The following OR2T11 variants were observed in gnomAD, a reference collection of about 807,000 sequenced individuals.
OR2T11 encodes olfactory receptor 2T11.
OR2T11 carries 14 observed loss-of-function variants against 13.5 expected under a neutral mutation model. The ratio of observed to expected loss-of-function variants is 1.04; its 90% confidence interval spans 0.69 to 1.62. OR2T11 has a LOEUF of 1.62. Among genes scored for constraint, OR2T11 ranks in the 40% most tolerant of loss-of-function variants. The probability of loss-of-function intolerance (pLI) is 0.00; values close to 1 mark genes in which losing one functional copy is unlikely to be tolerated. For missense variants in OR2T11, 410 were observed against 389.7 expected (o/e 1.05, Z -0.44); for synonymous variants, 163 against 154.6 (o/e 1.05, Z -0.40).
At position 248,626,510 on chromosome 1, in the gene OR2T11, G is replaced by A. The variant is rs770131436; in HGVS notation, c.619C>T (p.Pro207Ser). Reference sequence around the variant, plus strand: ...TAGGAAGTGGAGATGATAGAGATGGGGATGAGCAACATGAGGACACAGCAG... The same window carrying A: ...TAGGAAGTGGAGATGATAGAGATGGAGATGAGCAACATGAGGACACAGCAG... ...YICCVLMLLI[P>S]ISIISTSYSL... The change falls in exon 2 of 2, where the codon CCC becomes TCC. Residue 207 changes from proline (P) to serine (S), a missense_variant. Coordinates refer to ENST00000641193, the MANE Select transcript of OR2T11 (RefSeq NM_001001964.2). 2 of 1,570,270 alleles carry A rather than the reference G, an allele frequency of 1.3e-6. No individual in the cohort carries two copies. Among genetic ancestry groups the A allele is most frequent in the Non-Finnish European group, 8.7e-7 (1 of 1,154,330 alleles).
In OR2T11 at chr1:248,626,584, A is replaced by G. The variant is rs1490433989; in HGVS notation, c.545T>C (p.Leu182Pro). ...NHFFCEIPAV[L>P]KLACADTSLY... Reference sequence around the variant, plus strand: ...GGACGTGTCTGCACAGGCCAGTTTCAGAACTGCTGGGATCTCACAGAAAAA... The same window carrying G: ...GGACGTGTCTGCACAGGCCAGTTTCGGAACTGCTGGGATCTCACAGAAAAA... Residue 182 changes from leucine to proline, a missense_variant, in exon 2 of 2, where the codon CTG (leucine) becomes CCG (proline). Coordinates refer to ENST00000641193, the MANE Select transcript of OR2T11 (RefSeq NM_001001964.2). 1 of 1,573,496 alleles carries G rather than the reference A, an allele frequency of 6.4e-7. No homozygotes were observed. The highest frequency in any genetic ancestry group is 1.1e-5 in the South Asian group (1 of 88,908).
In OR2T11 at chr1:248,624,759, C is replaced by G. The variant is rs1280253116; in HGVS notation, c.*1419G>C. On this transcript the variant is annotated 3_prime_UTR_variant, in exon 2 of 2. Transcript: ENST00000641193. ...TTATGTATTTATCTTGAGACAAGGC[C>G]TCTCTGCCAGTCAGGCTGGAGCACA... is the stretch of plus-strand genomic sequence containing the variant. The G allele has an allele frequency of 6.9e-6, 1 of 144,156 alleles. No homozygotes were observed. The highest frequency in any genetic ancestry group is 2.7e-5 in the African/African-American group (1 of 36,722). The allele number at this position is 144,156 out of a possible 1,614,324, so 8.9% of individuals were successfully genotyped here.
At chr1:248,627,722 G>C (rs1194034882) in intron 1 of OR2T11, among the ~76,000 whole-genome samples, 1 of 143,078 alleles carries the variant, frequency 7.0e-6, no homozygotes, top group African/African-American at 2.8e-5. Context: ...GCATAGTGGA[G>C]TCTTGTCTTT....
chr1:248,624,472 A>C lies in OR2T11; in HGVS notation c.*1706T>G, dbSNP rs1660485568. 1 of 143,170 alleles carries C rather than the reference A, an allele frequency of 7.0e-6. No homozygotes were observed. Among genetic ancestry groups the C allele is most frequent in the South Asian group, 2.2e-4 (1 of 4,572 alleles). 8.9% of individuals were successfully genotyped at this position (143,170 alleles called of 1,614,324 possible). ...CAAATCTCACTTATTTCAACCATAG[A>C]CTGCACTTGTTGCAGTTGCTTTTAC... On this transcript the variant is annotated 3_prime_UTR_variant, in exon 2 of 2. Coordinates refer to ENST00000641193, the MANE Select transcript of OR2T11 (RefSeq NM_001001964.2).
At position 248,624,400 on chromosome 1, in the gene OR2T11, G is replaced by C. The variant is rs1249694214; in HGVS notation, c.*1778C>G. 1 of 143,026 alleles carries C rather than the reference G, an allele frequency of 7.0e-6. No homozygotes were observed. The highest frequency in any genetic ancestry group is 1.5e-5 in the Non-Finnish European group (1 of 66,246). The allele number at this position is 143,026 out of a possible 1,614,324, so 8.9% of individuals were successfully genotyped here. ...CTCTAAGCATATCTCCATTAAAAAT[G>C]GTCACTAAGGTTACAAGTAACCTTT... On this transcript the variant is annotated 3_prime_UTR_variant, in exon 2 of 2. Transcript: ENST00000641193.
At chr1:248,627,916 C>A (rs2103101874) in intron 1 of OR2T11, among the ~76,000 whole-genome samples, 1 of 142,838 alleles carries the variant, frequency 7.0e-6, no homozygotes, top group Admixed American at 6.8e-5. Flanking sequence ...GATCTTTCTT[C>A]AGATAAATTA....
intron 1 of OR2T11, among the ~76,000 whole-genome samples, chr1:248,631,654 T>TA (rs1303310552): frequency 7.0e-6 from 1 of 143,396 alleles, no homozygotes; most frequent in Non-Finnish European, 1.5e-5. Context: ...AACATGAAGT[T>TA]AATAATTTTC....
intron 1 of OR2T11, among the ~76,000 whole-genome samples, chr1:248,632,357 A>G (rs1263054711): frequency 2.9e-5 from 4 of 139,494 alleles, no homozygotes; most frequent in Non-Finnish European, 6.1e-5. Flanking sequence ...GATTTTTTTA[A>G]AAGATAATTT....
At chr1:248,628,957 A>G (rs1436645123) in intron 1 of OR2T11, among the ~76,000 whole-genome samples, 2 of 143,250 alleles carry the variant, frequency 1.4e-5, no homozygotes, top group Non-Finnish European at 3.0e-5. Flanking sequence ...ATTGCCTAAA[A>G]ATATATTCTG....
chr1:248,629,824 G>A (rs1360283748), intron 1 of OR2T11, among the ~76,000 whole-genome samples: 2 of 141,342 alleles, frequency 1.4e-5, no homozygotes, highest in East Asian at 4.1e-4. Flanking sequence ...CCTTGCCTGG[G>A]GCTCCTCCTC....
Position 248,632,132 on chromosome 1 carries a change from TGAA to T in OR2T11, c.-145+2903_-145+2905del, listed in dbSNP as rs1408390474. On this transcript the variant is annotated intron_variant, in intron 1 of 1. Coordinates refer to ENST00000641193, the MANE Select transcript of OR2T11 (RefSeq NM_001001964.2). The stretch of plus-strand genomic sequence containing the variant: ...AGAAAAAGAAAAACAGAATGACCCT[TGAA>T]GAATCTTAAAATTACATGAAAAACA... Among the ~76,000 whole-genome samples, 3 of 143,908 alleles carry T rather than the reference TGAA, an allele frequency of 2.1e-5. 1 individual carries two copies. Among genetic ancestry groups the T allele is most frequent in the Admixed American group, 6.8e-5 (1 of 14,776 alleles). The allele number at this position is 143,908 out of a possible 152,430, so 94.4% of individuals were successfully genotyped here. A position where few individuals can be genotyped will look rare whatever the true frequency, so the allele number is the denominator to read the frequency against.
rs966364477 is a variant in OR2T11 at position 248,626,071 on chromosome 1, T to C, written c.*107A>G. 1.2e-5 allele frequency: 8 copies of C among 648,332 alleles called. 1 individual carries two copies. The African/African-American group carries it at 1.4e-4, about 12-fold the overall frequency. The allele number at this position is 648,332 out of a possible 1,614,324, so 40.2% of individuals were successfully genotyped here. A position where few individuals can be genotyped will look rare whatever the true frequency, so the allele number is the denominator to read the frequency against. ...AGAATCCAGACAGGGTGAATCATCT[T>C]AACTGCCAGTAGTAAGTGTAGGTTG... is the stretch of plus-strand genomic sequence containing the variant. On this transcript the variant is annotated 3_prime_UTR_variant, in exon 2 of 2. Coordinates refer to ENST00000641193, the MANE Select transcript of OR2T11 (RefSeq NM_001001964.2).
rs1171022738 is a variant in OR2T11 at position 248,623,862 on chromosome 1, A to C, written c.*2316T>G. 2 of 142,608 alleles carry C rather than the reference A, an allele frequency of 1.4e-5. No homozygotes were observed. The highest frequency in any genetic ancestry group is 4.1e-4 in the East Asian group (2 of 4,936). 8.8% of individuals were successfully genotyped at this position (142,608 alleles called of 1,614,324 possible). A position where few individuals can be genotyped will look rare whatever the true frequency, so the allele number is the denominator to read the frequency against. On this transcript the variant is annotated 3_prime_UTR_variant, in exon 2 of 2. Coordinates refer to ENST00000641193, the MANE Select transcript of OR2T11 (RefSeq NM_001001964.2). Reference sequence around the variant, plus strand: ...TCAATGCAAAGGAGGGGGAGTCCGAAGGTTGTCCTACAACCCAGATGTCTC... The same window carrying C: ...TCAATGCAAAGGAGGGGGAGTCCGACGGTTGTCCTACAACCCAGATGTCTC...
rs1217911288 is a variant in OR2T11 at position 248,626,870 on chromosome 1, T to A, written c.259A>T (p.Lys87Ter). Reference sequence around the variant, plus strand: ...CCACAGGCCACAAAGGAAATGATCTTCTCTTTAGAAACCATGTCTGCCAGG... The same window carrying A: ...CCACAGGCCACAAAGGAAATGATCTACTCTTTAGAAACCATGTCTGCCAGG... ...KLLADMVSKE[K>*]IISFVACGIQ... The change falls in exon 2 of 2, where the codon AAG becomes TAG. Residue 87 changes from lysine (K) to a stop codon, truncating the protein, a stop_gained. Transcript: ENST00000641193. LOFTEE classifies it high-confidence loss of function. 6.4e-7 allele frequency: 1 copy of A among 1,571,196 alleles called. No individual in the cohort carries two copies. Among genetic ancestry groups the A allele is most frequent in the East Asian group, 2.3e-5 (1 of 43,618 alleles).
chr1:248,626,130 C>CA lies in OR2T11; in HGVS notation c.*47dup. The stretch of plus-strand genomic sequence containing the variant: ...GCAGATCATCTCCAGGGAAACAGGG[C>CA]AAATGGAGGAAGTCCTTAGGAAGCC... On this transcript the variant is annotated 3_prime_UTR_variant, in exon 2 of 2. Coordinates refer to ENST00000641193, the MANE Select transcript of OR2T11 (RefSeq NM_001001964.2). 9.5e-7 allele frequency: 1 copy of CA among 1,047,868 alleles called. No homozygotes were observed. The highest frequency in any genetic ancestry group is 1.4e-5 in the South Asian group (1 of 70,254). 64.9% of individuals were successfully genotyped at this position (1,047,868 alleles called of 1,614,324 possible). A position where few individuals can be genotyped will look rare whatever the true frequency, so the allele number is the denominator to read the frequency against.
At position 248,625,950 on chromosome 1, in the gene OR2T11, G is replaced by GTCT. The variant is rs1260207863; in HGVS notation, c.*227_*228insAGA. On this transcript the variant is annotated 3_prime_UTR_variant, in exon 2 of 2. Coordinates refer to ENST00000641193, the MANE Select transcript of OR2T11 (RefSeq NM_001001964.2). Reference sequence around the variant, plus strand: ...TTTTCTTCCCTAAATAAAAAGACTAGATAAATTATTTAACTTCATAATAAA... The same window carrying GTCT: ...TTTTCTTCCCTAAATAAAAAGACTAGTCTATAAATTATTTAACTTCATAATAAA... 6.4e-5 allele frequency: 23 copies of GTCT among 357,830 alleles called. 1 individual carries two copies. The highest frequency in any genetic ancestry group is 9.4e-5 in the Non-Finnish European group (19 of 202,220). The allele number at this position is 357,830 out of a possible 1,614,324, so 22.2% of individuals were successfully genotyped here.
At position 248,625,129 on chromosome 1, in the gene OR2T11, A is replaced by G. The variant is rs1379395922; in HGVS notation, c.*1049T>C. ...ATATCAATATTCCATTTTTTTATTC[A>G]CTTGGGCCCAAACCAATAAGTTATC... is the stretch of plus-strand genomic sequence containing the variant. On this transcript the variant is annotated 3_prime_UTR_variant, in exon 2 of 2. Coordinates refer to ENST00000641193, the MANE Select transcript of OR2T11 (RefSeq NM_001001964.2). 1.4e-5 allele frequency: 2 copies of G among 143,276 alleles called. No homozygotes were observed. Among genetic ancestry groups the G allele is most frequent in the African/African-American group, 2.8e-5 (1 of 36,346 alleles). 8.9% of individuals were successfully genotyped at this position (143,276 alleles called of 1,614,324 possible).
At chr1:248,629,868 T>G (rs1660580264) in intron 1 of OR2T11, among the ~76,000 whole-genome samples, 1 of 141,446 alleles carries the variant, frequency 7.1e-6, no homozygotes, top group Non-Finnish European at 1.5e-5. Flanking sequence ...CCTCATGTAC[T>G]TCAGGGCTTT....
chr1:248,631,320 C>T (rs1572103405), intron 1 of OR2T11, among the ~76,000 whole-genome samples: 2 of 143,532 alleles, frequency 1.4e-5, no homozygotes, highest in South Asian at 2.2e-4. Context: ...TCTCAGGCAC[C>T]GTGGACGTGT....
Sources: allele counts gnomAD v4.1 joint callset (sites outside exome capture counted in the v4.1 genomes callset), GRCh38; gene constraint gnomAD v4.1.1; transcripts MANE v1.5; gene names NCBI Gene and HGNC (gene_info 2026-07-23, HGNC 2026-07-21).